The following HTT variants were observed in gnomAD, a reference collection of about 807,000 sequenced individuals.
HTT encodes the protein huntington disease protein.
In HTT, 104 loss-of-function variants were observed where a neutral mutation model predicts 362.3. The observed-to-expected ratio is 0.29, with a 90% CI of 0.24 to 0.34. The LOEUF is 0.34. Among genes scored for constraint, HTT ranks in the 10% least tolerant of loss-of-function variants. The pLI, the probability that HTT is intolerant of heterozygous loss-of-function variation, is 1.00. For synonymous variants in HTT, 1,577 were observed against 1,548.7 expected (o/e 1.02, Z -0.43); for missense variants, 3,301 against 3,928.6 (o/e 0.84, Z 4.27).
In HTT at chr4:3,182,734, G is replaced by A. The variant is rs544542655; in HGVS notation, c.4866+264G>A. On this transcript the variant is annotated intron_variant, in intron 37 of 66. Transcript: ENST00000355072. Reference sequence around the variant, plus strand: ...AGGCAGCACACAGCTTTAGAGTGCTGGGGTGAGGGCGGGCCAAGGCTAACT... The same window carrying A: ...AGGCAGCACACAGCTTTAGAGTGCTAGGGTGAGGGCGGGCCAAGGCTAACT... Among the ~76,000 whole-genome samples the A allele has an allele frequency of 7.9e-5, 12 of 152,294 alleles. 1 individual carries two copies. In the East Asian group the frequency reaches 9.6e-4, roughly 12 times the overall value.
Position 3,220,235 on chromosome 4 carries a change from C to G in HTT, c.7296C>G (p.Phe2432Leu). 6.2e-7 allele frequency: 1 copy of G among 1,614,102 alleles called. No homozygotes were observed. Among genetic ancestry groups the G allele is most frequent in the Non-Finnish European group, 8.5e-7 (1 of 1,179,964 alleles). Residue 2432 changes from phenylalanine to leucine, a missense_variant, in exon 53 of 67, where the codon TTC becomes TTG. By Grantham distance (22) the Phe-to-Leu change is conservative. Around this residue, in one of 4 missense-constraint regions of HTT, gnomAD observed 753 missense variants for 1,021.3 expected, o/e 0.74. Coordinates refer to ENST00000355072, the MANE Select transcript of HTT (RefSeq NM_001388492.1). ...PKPGGDFGTA[F>L]PEIPVEFLQE... Reference sequence around the variant, plus strand: ...CGGGAGGGGATTTTGGCACAGCATTCCCTGAGATCCCCGTGGAGTTCCTCC... The same window carrying G: ...CGGGAGGGGATTTTGGCACAGCATTGCCTGAGATCCCCGTGGAGTTCCTCC...
At chr4:3,232,877 C>T (rs1359335363) in intron 60 of HTT, among the ~76,000 whole-genome samples, 2 of 152,218 alleles carry the variant, frequency 1.3e-5, no homozygotes, top group African/African-American at 4.8e-5. Context: ...TGCCTCGTGC[C>T]CAGACTCTGG....
intron 3 of HTT, among the ~76,000 whole-genome samples, chr4:3,099,607 C>T (rs1194157746): frequency 7.0e-6 from 1 of 142,486 alleles, no homozygotes. Flanking sequence ...TGGAGGTGCT[C>T]TGTTGTATGG....
chr4:3,115,820 C>T (rs1714993914), intron 7 of HTT, among the ~76,000 whole-genome samples: 1 of 152,186 alleles, frequency 6.6e-6, no homozygotes, highest in Non-Finnish European at 1.5e-5. Context: ...TGGAAACGAA[C>T]ACTGGCAAGT....
Position 3,196,818 on chromosome 4 carries a change from C to T in HTT, c.5369-2914C>T, listed in dbSNP as rs143039362. 1.7e-3 allele frequency among the ~76,000 whole-genome samples: 263 copies of T among 152,242 alleles called. 2 individuals are homozygous for T. Among genetic ancestry groups the T allele is most frequent in the Admixed American group, 3.0e-3 (46 of 15,296 alleles). On this transcript the variant is annotated intron_variant, in intron 40 of 66. Coordinates refer to ENST00000355072, the MANE Select transcript of HTT (RefSeq NM_001388492.1). ...ACCTTTCCTTTCCTGCCTGTAGCTG[C>T]TCTTTTACACTTAACAGCCACACTA...
At chr4:3,085,415 C>T (rs58666167) in intron 1 of HTT, among the ~76,000 whole-genome samples, 12,437 of 152,144 alleles carry the variant, frequency 0.082, 862 homozygotes, top group African/African-American at 0.19. Context: ...GGATTACAGG[C>T]GTGAGCCACA....
intron 22 of HTT, among the ~76,000 whole-genome samples, chr4:3,142,542 A>G (rs1415521593): frequency 4.6e-5 from 7 of 152,142 alleles, no homozygotes; most frequent in Admixed American, 1.3e-4. Flanking sequence ...TAAGGGGAGT[A>G]TGGCTGCAGC....
In HTT at chr4:3,229,626, GCA is replaced by G. The variant is rs564684448; in HGVS notation, c.8110-253_8110-252del. 1.7e-3 allele frequency among the ~76,000 whole-genome samples: 245 copies of G among 146,486 alleles called. 2 individuals carry two copies. The highest frequency in any genetic ancestry group is 3.0e-3 in the Admixed American group (45 of 14,788). On this transcript the variant is annotated intron_variant, in intron 59 of 66. Coordinates refer to ENST00000355072, the MANE Select transcript of HTT (RefSeq NM_001388492.1). ...CACACACACACCACTTGCACACCAC[GCA>G]CACACACCACATGCGCACACACACA...
rs1428220175 is a variant in HTT at position 3,074,813 on chromosome 4, G to C, written c.-13G>C. 6.7e-5 allele frequency: 102 copies of C among 1,512,862 alleles called. No homozygotes were observed. Among genetic ancestry groups the C allele is most frequent in the Non-Finnish European group, 8.8e-5 (100 of 1,136,598 alleles). The allele number at this position is 1,512,862 out of a possible 1,614,324, so 93.7% of individuals were successfully genotyped here. A position where few individuals can be genotyped will look rare whatever the true frequency, so the allele number is the denominator to read the frequency against. ...AGGCCTCCGGGGACTGCCGTGCCGGGCGGGAGACCGCCATGGCGACCCTGG... is the reference window on the plus strand; with the variant it reads ...AGGCCTCCGGGGACTGCCGTGCCGGCCGGGAGACCGCCATGGCGACCCTGG... On this transcript the variant is annotated 5_prime_UTR_variant, in exon 1 of 67. Coordinates refer to ENST00000355072, the MANE Select transcript of HTT (RefSeq NM_001388492.1).
chr4:3,199,740 C>G lies in HTT; in HGVS notation c.5377C>G (p.Arg1793Gly). Residue 1793 changes from arginine (R) to glycine (G), a missense_variant, in exon 41 of 67, where the codon CGG becomes GGG. By Grantham distance (125) the Arg-to-Gly change is moderately radical. This residue lies in a region of HTT where 2,316 missense variants were observed against 2,658.5 expected (regional missense o/e 0.87). Coordinates refer to ENST00000355072, the MANE Select transcript of HTT (RefSeq NM_001388492.1). ...CTTAACTTTGTTTCTAGGAATGTTC[C>G]GGAGAATCACAGCAGCTGCCACTAG... ...LIHIFKSGMF[R>G]RITAAATRLF... 1 of 1,613,748 alleles carries G rather than the reference C, an allele frequency of 6.2e-7. No homozygotes were observed. Among genetic ancestry groups the G allele is most frequent in the South Asian group, 1.1e-5 (1 of 91,082 alleles).
intron 28 of HTT, among the ~76,000 whole-genome samples, chr4:3,159,746 T>C (rs1717347540): frequency 6.6e-6 from 1 of 152,258 alleles, no homozygotes; most frequent in Non-Finnish European, 1.5e-5. Flanking sequence ...TATGCATGTC[T>C]TTGGTCCTGA....
At chr4:3,159,326 C>G (rs760415652) in intron 28 of HTT, among the ~76,000 whole-genome samples, 1 of 152,240 alleles carries the variant, frequency 6.6e-6, no homozygotes, top group African/African-American at 2.4e-5. Context: ...CCATGGTGAA[C>G]TTCTCTTTCC....
At chr4:3,215,317 G>A (rs747453904) in intron 51 of HTT, 106 bp downstream of exon 51, 3 of 748,538 alleles carry the variant, frequency 4.0e-6, no homozygotes, top group East Asian at 2.6e-5. Flanking sequence ...GAAGCGCACC[G>A]TAGCTCCGCT....
At chr4:3,237,930 G>T (rs1027506677) in intron 64 of HTT, among the ~76,000 whole-genome samples, 1 of 152,228 alleles carries the variant, frequency 6.6e-6, no homozygotes, top group Admixed American at 6.5e-5. Context: ...GCCACGAAGC[G>T]TTAGAACACA....
intron 59 of HTT, 136 bp from the exon 60 acceptor site, chr4:3,229,751 A>G (rs773776806): frequency 1.6e-5 from 15 of 935,942 alleles, no homozygotes; most frequent in South Asian, 1.5e-4. Flanking sequence ...CCACACACAC[A>G]CGCACACATG....
chr4:3,192,347 A>AGGT (rs775916493), intron 40 of HTT, among the ~76,000 whole-genome samples: 3 of 151,924 alleles, frequency 2.0e-5, no homozygotes, highest in Non-Finnish European at 4.4e-5. Flanking sequence ...CAAAATGCTG[A>AGGT]GGTTATAGGT....
chr4:3,109,159 T>C (rs1014523672), intron 6 of HTT, among the ~76,000 whole-genome samples: 9 of 152,186 alleles, frequency 5.9e-5, no homozygotes, highest in Admixed American at 3.9e-4. Context: ...CTCTTAATCC[T>C]TGTGTCTCAC....
chr4:3,229,471 GAC>G (rs1284587814), intron 59 of HTT, among the ~76,000 whole-genome samples: 4 of 133,926 alleles, frequency 3.0e-5, no homozygotes, highest in Non-Finnish European at 6.2e-5. Flanking sequence ...GCATGCACCA[GAC>G]ACATGGCACA....
Position 3,233,189 on chromosome 4 carries a change from C to T in HTT, c.8292C>T (p.Ser2764=). 3 of 1,591,036 alleles carry T rather than the reference C, an allele frequency of 1.9e-6. No homozygotes were observed. Among genetic ancestry groups the T allele is most frequent in the Non-Finnish European group, 2.6e-6 (3 of 1,161,638 alleles). The change falls in exon 61 of 67, where the codon AGC becomes AGT. Residue 2764 remains serine (S), a synonymous_variant. Coordinates refer to ENST00000355072, the MANE Select transcript of HTT (RefSeq NM_001388492.1). ...ACAAGGCCGTGGCGGAGCCTGTCAG[C>T]CGCCTGCTGGAGAGCACGCTCAGGA... The part of the protein sequence containing the change: ...GMDKAVAEPV[S]RLLESTLRSS...
Sources: allele counts gnomAD v4.1 joint callset (sites outside exome capture counted in the v4.1 genomes callset), GRCh38; gene constraint gnomAD v4.1.1; regional missense constraint gnomAD v4.1.1; transcripts MANE v1.5; gene names NCBI Gene and HGNC (gene_info 2026-07-23, HGNC 2026-07-21).